Variants in MYO3A observed in about 807,000 individuals in gnomAD.
MYO3A encodes myosin IIIA.
In MYO3A, 180 loss-of-function variants were observed where a neutral mutation model predicts 192.7. That is an observed-to-expected ratio of 0.93 (90% CI 0.83 to 1.06). The LOEUF (loss-of-function observed/expected upper bound fraction) is 1.06, where lower values mean the gene tolerates loss of function less well. Ranked by LOEUF, MYO3A falls within the 50% of genes least tolerant of loss-of-function variation. MYO3A has a pLI of 0.00. For synonymous variants in MYO3A, 628 were observed against 645.3 expected (o/e 0.97, Z 0.41); for missense variants, 1,896 against 1,905.0 (o/e 1.00, Z 0.09).
At chr10:26,060,409 A>G (rs1834392181) in intron 10 of MYO3A, among the ~76,000 whole-genome samples, 1 of 152,098 alleles carries the variant, frequency 6.6e-6, no homozygotes, top group African/African-American at 2.4e-5. Context: ...CAGAGGTTGC[A>G]GTGAACCGAG....
intron 31 of MYO3A, 27 bp downstream of exon 31, chr10:26,176,872 C>G: frequency 6.2e-7 from 1 of 1,610,702 alleles, no homozygotes; most frequent in Non-Finnish European, 8.5e-7. Context: ...TTAGAACTTC[C>G]TGAATGGGAA....
intron 20 of MYO3A, among the ~76,000 whole-genome samples, chr10:26,140,678 C>T (rs1253034012): frequency 2.1e-5 from 3 of 146,050 alleles, no homozygotes; most frequent in Admixed American, 6.9e-5. Context: ...GAGCGAGACT[C>T]TGTCTCAAAA....
intron 10 of MYO3A, among the ~76,000 whole-genome samples, chr10:26,050,868 A>G (rs1457019883): frequency 1.3e-5 from 2 of 152,192 alleles, no homozygotes; most frequent in African/African-American, 4.8e-5. Context: ...AAAATTTGCT[A>G]ACAGACTTAA....
At position 26,174,090 on chromosome 10, in the gene MYO3A, G is replaced by A; in HGVS notation, c.3826G>A (p.Glu1276Lys). The A allele has an allele frequency of 6.2e-7, 1 of 1,614,200 alleles. No individual in the cohort carries two copies. The highest frequency in any genetic ancestry group is 8.5e-7 in the Non-Finnish European group (1 of 1,180,036). The part of the protein sequence containing the change: ...RPSYPVPWLA[E>K]NETSFKKTLE... ...AAGCTACCCAGTGCCTTGGTTAGCT[G>A]AAAATGAGACTTCCTTTAAAAAAAC... is the stretch of plus-strand genomic sequence containing the variant. Residue 1276 changes from glutamate (E) to lysine (K), a missense_variant, in exon 30 of 35, where the codon GAA (glutamate) becomes AAA (lysine). Glu to Lys is a moderately conservative substitution (Grantham distance 56). Transcript: ENST00000642920.
intron 17 of MYO3A, among the ~76,000 whole-genome samples, chr10:26,104,635 T>A (rs545635837): frequency 3.0e-4 from 45 of 152,244 alleles, no homozygotes; most frequent in African/African-American, 8.9e-4. Context: ...GTTCTTTTTT[T>A]AAAATTTTTT....
intron 20 of MYO3A, among the ~76,000 whole-genome samples, chr10:26,139,328 C>T (rs911997287): frequency 2.5e-5 from 3 of 120,742 alleles, no homozygotes; most frequent in Admixed American, 8.6e-5. Flanking sequence ...ACAACCTCCA[C>T]CTCCTGGGTT....
chr10:26,060,608 G>C (rs974234167), intron 10 of MYO3A, among the ~76,000 whole-genome samples: 1 of 152,118 alleles, frequency 6.6e-6, no homozygotes, highest in African/African-American at 2.4e-5. Context: ...ATGGCACTTG[G>C]CATGTAGCTA....
At chr10:26,102,865 G>C (rs12268743) in intron 17 of MYO3A, among the ~76,000 whole-genome samples, 4,058 of 152,344 alleles carry the variant, frequency 0.027, 203 homozygotes, top group African/African-American at 0.092. Flanking sequence ...CACTTGAGGA[G>C]GCAGTCTATC....
At chr10:25,948,702 G>A (rs933317485) in intron 2 of MYO3A, among the ~76,000 whole-genome samples, 2 of 152,026 alleles carry the variant, frequency 1.3e-5, no homozygotes, top group African/African-American at 4.8e-5. Context: ...AAACAGCTTT[G>A]TATGGAAAAA....
In MYO3A at chr10:26,036,837, C is replaced by T. The variant is rs186324160; in HGVS notation, c.953+10305C>T. 4.1e-3 allele frequency among the ~76,000 whole-genome samples: 617 copies of T among 152,326 alleles called. 6 individuals are homozygous for T. The highest frequency in any genetic ancestry group is 0.014 in the African/African-American group (582 of 41,570). Reference sequence around the variant, plus strand: ...AGGGAGTGTTCTCTCCTTGAAATCTCACCCACCTTCATTCTGTTCTTGGGA... The same window carrying T: ...AGGGAGTGTTCTCTCCTTGAAATCTTACCCACCTTCATTCTGTTCTTGGGA... On this transcript the variant is annotated intron_variant, in intron 10 of 34. Transcript: ENST00000642920.
chr10:26,206,574 A>G lies in MYO3A; in HGVS notation c.4730+3467A>G, dbSNP rs1843961763. On this transcript the variant is annotated intron_variant, in intron 34 of 34. Transcript: ENST00000642920. ...AGTGATTCTCCTGCCTCAGCCTCCC[A>G]AATACCTGGGATTACAGGTGCCTGC... Among the ~76,000 whole-genome samples the G allele has an allele frequency of 2.0e-5, 3 of 151,538 alleles. No homozygotes were observed. The South Asian group carries it at 6.3e-4, about 32-fold the overall frequency.
At chr10:25,976,127 T>A (rs75111217) in intron 4 of MYO3A, among the ~76,000 whole-genome samples, 14,572 of 152,250 alleles carry the variant, frequency 0.096, 1,235 homozygotes, top group African/African-American at 0.22. Context: ...GAGCCAATTG[T>A]ACTCTTATAC....
In MYO3A at chr10:26,125,283, A is replaced by G. The variant is rs139912855; in HGVS notation, c.1904-115A>G. 499 of 913,402 alleles carry G rather than the reference A, an allele frequency of 5.5e-4. 2 individuals are homozygous for G. The African/African-American group carries it at 7.1e-3, about 13-fold the overall frequency. 56.6% of individuals were successfully genotyped at this position (913,402 alleles called of 1,614,324 possible). On this transcript the variant is annotated intron_variant, in intron 18 of 34. Transcript: ENST00000642920. ...TAGTATCATATTTTTACATTACATA[A>G]TCTCCACACATTTAATTCATGTCAT...
chr10:26,157,467 G>A lies in MYO3A; in HGVS notation c.2951G>A (p.Arg984Gln), dbSNP rs767330393. ...GGAATTCTGGAAACAGCAAGAATTC[G>A]AAGACTAGGATTCTCCCATCGGATA... Reference protein sequence around the residue: ...YTGILETARIRRLGFSHRILF... With the variant: ...YTGILETARIQRLGFSHRILF... Residue 984 changes from arginine (R) to glutamine (Q), a missense_variant, in exon 26 of 35, where the codon CGA becomes CAA. By Grantham distance (43) the Arg-to-Gln change is conservative. Transcript: ENST00000642920. 1.2e-5 allele frequency: 19 copies of A among 1,613,992 alleles called. No homozygotes were observed. Among genetic ancestry groups the A allele is most frequent in the Middle Eastern group, 1.6e-4 (1 of 6,082 alleles).
chr10:25,950,455 C>G (rs768473737), intron 2 of MYO3A, among the ~76,000 whole-genome samples: 32 of 152,090 alleles, frequency 2.1e-4, no homozygotes, highest in Admixed American at 1.2e-3. Context: ...ATACAAACAA[C>G]AGAAGTGCAG....
chr10:26,003,600 G>A (rs1160301954), intron 6 of MYO3A, among the ~76,000 whole-genome samples: 4 of 152,032 alleles, frequency 2.6e-5, no homozygotes, highest in Non-Finnish European at 5.9e-5. Context: ...AGCCATTACT[G>A]GTATATGATC....
intron 1 of MYO3A, among the ~76,000 whole-genome samples, chr10:25,934,803 T>G (rs1182963071): frequency 2.8e-4 from 40 of 140,476 alleles, no homozygotes; most frequent in Non-Finnish European, 1.5e-5. Context: ...GGAATGAACT[T>G]GAGGAGGGAA....
chr10:25,957,993 G>A (rs567372260), intron 4 of MYO3A, among the ~76,000 whole-genome samples: 2 of 152,120 alleles, frequency 1.3e-5, no homozygotes, highest in African/African-American at 4.8e-5. Flanking sequence ...TTAGACCTTT[G>A]TCAGATGCAT....
intron 8 of MYO3A, among the ~76,000 whole-genome samples, chr10:26,023,678 T>A (rs763644116): frequency 1.9e-4 from 29 of 152,134 alleles, no homozygotes; most frequent in Admixed American, 9.2e-4. Context: ...TCATTGGGAC[T>A]CATAGGAAAA....
Sources: allele counts gnomAD v4.1 joint callset (sites outside exome capture counted in the v4.1 genomes callset), GRCh38; gene constraint gnomAD v4.1.1; transcripts MANE v1.5; gene names NCBI Gene and HGNC (gene_info 2026-07-23, HGNC 2026-07-21).